The following SMAD9 variants were observed in gnomAD, a reference collection of about 807,000 sequenced individuals.
The protein encoded by SMAD9 is SMAD family member 9.
A neutral mutation model predicts 46.1 loss-of-function variants in SMAD9; 36 were observed. The observed-to-expected ratio is 0.78, with a 90% CI of 0.60 to 1.03. The LOEUF (loss-of-function observed/expected upper bound fraction) is 1.03. Ranked by LOEUF, SMAD9 falls within the 50% of genes least tolerant of loss-of-function variation. SMAD9 has a pLI of 0.00. For missense variants in SMAD9, 572 were observed against 599.8 expected (o/e 0.95, Z 0.48); for synonymous variants, 245 against 237.1 (o/e 1.03, Z -0.31).
At position 36,865,640 on chromosome 13, in the gene SMAD9, C is replaced by T. The variant is rs750270551; in HGVS notation, c.900G>A (p.Gly300=). ...TCCTGTTATTTGAAGGGTCGGTGAA[C>T]CCATCTATGAGCACACTTCGGGAGG... The part of the protein sequence containing the change: ...QASSRSVLID[G]FTDPSNNRNR... Residue 300 remains glycine (G), a synonymous_variant, in exon 5 of 7, where the codon GGG becomes GGA. Coordinates refer to ENST00000379826, the MANE Select transcript of SMAD9 (RefSeq NM_001127217.3). 2 of 1,614,110 alleles carry T rather than the reference C, an allele frequency of 1.2e-6. No individual in the cohort carries two copies. The highest frequency in any genetic ancestry group is 2.2e-5 in the South Asian group (2 of 91,088).
In SMAD9 at chr13:36,853,601, G is replaced by C. The variant is rs2058094221; in HGVS notation, c.1078C>G (p.Arg360Gly). Residue 360 changes from arginine to glycine, a missense_variant, in exon 6 of 7, where the codon CGG becomes GGG. Arg to Gly is a moderately radical substitution (Grantham distance 125, BLOSUM62 -2). Coordinates refer to ENST00000379826, the MANE Select transcript of SMAD9 (RefSeq NM_001127217.3). Reference protein sequence around the residue: ...VSDSSIFVQSRNCNYQHGFHP... With the variant: ...VSDSSIFVQSGNCNYQHGFHP... ...AAGCCGTGTTGATAGTTGCAGTTCC[G>C]GCTCTGCACAAAGATGCTGCTGTCA... is the stretch of plus-strand genomic sequence containing the variant. The C allele has an allele frequency of 6.2e-7, 1 of 1,613,960 alleles. No individual in the cohort carries two copies. The highest frequency in any genetic ancestry group is 8.5e-7 in the Non-Finnish European group (1 of 1,180,018).
intron 1 of SMAD9, among the ~76,000 whole-genome samples, chr13:36,892,904 G>A (rs995690036): frequency 6.6e-6 from 1 of 152,098 alleles, no homozygotes; most frequent in Admixed American, 6.6e-5. Context: ...ACTTTTTTGG[G>A]CCAGAAATGT....
At chr13:36,913,908 T>A (rs140620962) in intron 1 of SMAD9, among the ~76,000 whole-genome samples, 4 of 152,248 alleles carry the variant, frequency 2.6e-5, no homozygotes, top group Non-Finnish European at 4.4e-5. Context: ...TAATCACTTA[T>A]GTCATTAATA....
intron 3 of SMAD9, among the ~76,000 whole-genome samples, chr13:36,870,271 A>G (rs984916964): frequency 2.0e-5 from 3 of 152,104 alleles, no homozygotes; most frequent in Admixed American, 1.3e-4. Context: ...AGGTAAATAT[A>G]TATTTTGCAA....
At chr13:36,863,344 A>C (rs867056668) in intron 5 of SMAD9, among the ~76,000 whole-genome samples, 1 of 152,238 alleles carries the variant, frequency 6.6e-6, no homozygotes, top group Non-Finnish European at 1.5e-5. Context: ...AGCTCTGAGA[A>C]AACTGTAACT....
chr13:36,861,615 C>G (rs539412438), intron 5 of SMAD9, among the ~76,000 whole-genome samples: 4 of 148,626 alleles, frequency 2.7e-5, no homozygotes, highest in African/African-American at 9.8e-5. Flanking sequence ...TGCGTCTGGT[C>G]ACTAAAAAGA....
At chr13:36,863,200 G>C (rs1281146377) in intron 5 of SMAD9, among the ~76,000 whole-genome samples, 1 of 152,170 alleles carries the variant, frequency 6.6e-6, no homozygotes, top group Non-Finnish European at 1.5e-5. Flanking sequence ...AGAATCCTGT[G>C]ATCTCACAGA....
At position 36,872,746 on chromosome 13, in the gene SMAD9, G is replaced by A. The variant is rs2058307652; in HGVS notation, c.582C>T (p.Ser194=). 6.2e-7 allele frequency: 1 copy of A among 1,613,958 alleles called. No homozygotes were observed. The highest frequency in any genetic ancestry group is 1.7e-5 in the Admixed American group (1 of 59,996). The change falls in exon 3 of 7, where the codon AGC becomes AGT. Residue 194 remains serine (S), a synonymous_variant. Coordinates refer to ENST00000379826, the MANE Select transcript of SMAD9 (RefSeq NM_001127217.3). ...PPCSALPPSP[S]HAFSQSPCTA... is the part of the protein sequence containing the mutation. ...TGCACGGGGACTGGGAGAACGCGTG[G>A]CTGGGTGAGGGAGGGAGTGCAGAGC...
intron 3 of SMAD9, among the ~76,000 whole-genome samples, chr13:36,869,815 GCAAAACTCCATCT>G (rs2058272901): frequency 6.9e-6 from 1 of 144,444 alleles, no homozygotes; most frequent in Admixed American, 7.1e-5. Context: ...GGCAACAAGA[GCAAAACTCCATCT>G]CAAAAAAAAA....
At position 36,879,260 on chromosome 13, in the gene SMAD9, G is replaced by A. The variant is rs373232255; in HGVS notation, c.412+18C>T. 1.5e-5 allele frequency: 24 copies of A among 1,611,302 alleles called. No homozygotes were observed. Among genetic ancestry groups the A allele is most frequent in the African/African-American group, 2.7e-5 (2 of 74,850 alleles). ...CTTCACTCTGAAAATAAACCTTGACGTCGTAAAGACGACCCACCTGGAGTC... is the reference window on the plus strand; with the variant it reads ...CTTCACTCTGAAAATAAACCTTGACATCGTAAAGACGACCCACCTGGAGTC... On this transcript the variant is annotated intron_variant, in intron 2 of 6. Transcript: ENST00000379826.
rs552894400 is a variant in SMAD9 at position 36,909,050 on chromosome 13, G to A, written c.-187+11066C>T. On this transcript the variant is annotated intron_variant, in intron 1 of 6. Coordinates refer to ENST00000379826, the MANE Select transcript of SMAD9 (RefSeq NM_001127217.3). ...TACATCCCTAAAATACAGTTCTCTT[G>A]GCCACTCGTACAGTTTTTTTGGCTA... Among the ~76,000 whole-genome samples, 28 of 152,224 alleles carry A rather than the reference G, an allele frequency of 1.8e-4. No individual in the cohort carries two copies. In the South Asian group the frequency reaches 2.5e-3, roughly 14 times the overall value.
intron 3 of SMAD9, among the ~76,000 whole-genome samples, chr13:36,871,532 A>T (rs1168525454): frequency 1.5e-4 from 23 of 149,712 alleles, no homozygotes; most frequent in African/African-American, 5.4e-4. Flanking sequence ...TAAAAAATAA[A>T]AAATAAAAAT....
chr13:36,874,693 T>C (rs1406351983), intron 2 of SMAD9, among the ~76,000 whole-genome samples: 1 of 151,584 alleles, frequency 6.6e-6, no homozygotes, highest in East Asian at 1.9e-4. Context: ...CCGTCTCTAC[T>C]AAAAATACAA....
chr13:36,853,250 A>G (rs1206423147), intron 6 of SMAD9, among the ~76,000 whole-genome samples, 169 bp downstream of exon 6: 1 of 152,164 alleles, frequency 6.6e-6, no homozygotes, highest in African/African-American at 2.4e-5. Flanking sequence ...ATGCCACTGC[A>G]CTCCAGCCTG....
Position 36,879,463 on chromosome 13 carries a change from T to C in SMAD9, c.227A>G (p.Asp76Gly), listed in dbSNP as rs2058381059. 2 of 1,613,684 alleles carry C rather than the reference T, an allele frequency of 1.2e-6. No homozygotes were observed. Residue 76 changes from aspartate to glycine, a missense_variant, in exon 2 of 7, where the codon GAC (aspartate) becomes GGC (glycine). By Grantham distance (94) the Asp-to-Gly change is moderately conservative. Transcript: ENST00000379826. ...SKCVTIPRSL[D>G]GRLQVSHRKG... is the part of the protein sequence containing the mutation. Reference sequence around the variant, plus strand: ...GCGGTGGGACACCTGCAGCCGCCCGTCCAGGGAGCGGGGAATCGTGACGCA... The same window carrying C: ...GCGGTGGGACACCTGCAGCCGCCCGCCCAGGGAGCGGGGAATCGTGACGCA...
At chr13:36,898,314 CA>C (rs148352478) in intron 1 of SMAD9, among the ~76,000 whole-genome samples, 3,259 of 152,112 alleles carry the variant, frequency 0.021, 119 homozygotes, top group African/African-American at 0.074. Flanking sequence ...TCACCAGGCC[CA>C]CATGGTTTCA....
rs199957237 is a variant in SMAD9, at chr13:36,872,894, G to T, written c.434C>A (p.Pro145Gln). 90 of 1,614,132 alleles carry T rather than the reference G, an allele frequency of 5.6e-5. No homozygotes were observed. In the East Asian group the frequency reaches 2.0e-3, roughly 36 times the overall value. Residue 145 changes from proline to glutamine, a missense_variant, in exon 3 of 7, where the codon CCA becomes CAA. Physicochemically the swap from Pro to Gln is moderately conservative, Grantham distance 76. Transcript: ENST00000379826. The part of the protein sequence containing the change: ...ETPVLPPVLV[P>Q]RHSEYNPQLS... ...CTGGGGGTTATATTCACTGTGTCTT[G>T]GCACGAGCACAGGAGGCAGTACTAG...
chr13:36,875,154 C>T (rs1182236191), intron 2 of SMAD9, among the ~76,000 whole-genome samples: 1 of 151,638 alleles, frequency 6.6e-6, no homozygotes, highest in Non-Finnish European at 1.5e-5. Flanking sequence ...CAACCACAGG[C>T]AAGTATTAAT....
chr13:36,907,931 A>C (rs2058631620), intron 1 of SMAD9, among the ~76,000 whole-genome samples: 1 of 152,200 alleles, frequency 6.6e-6, no homozygotes, highest in African/African-American at 2.4e-5. Context: ...ATGCTGGGAA[A>C]TCTTCACACT....
Sources: gnomAD v4.1 joint callset for allele counts (sites outside exome capture counted in the v4.1 genomes callset) on GRCh38, gnomAD v4.1.1 for gene constraint, MANE v1.5 for transcripts, NCBI Gene and HGNC (gene_info 2026-07-23, HGNC 2026-07-21) for gene names.